PPM1L: variants seen among roughly 807,000 people sequenced by gnomAD.
PPM1L encodes protein phosphatase 1L.
A neutral mutation model predicts 31.4 loss-of-function variants in PPM1L; 13 were observed. The ratio of observed to expected loss-of-function variants is 0.41; its 90% CI spans 0.27 to 0.66. The LOEUF (loss-of-function observed/expected upper bound fraction) is 0.66, where lower values mean the gene tolerates loss of function less well. PPM1L is among the 30% of genes least tolerant of loss of function. The pLI is 0.29. For missense variants in PPM1L, 326 were observed against 453.7 expected (o/e 0.72, Z 2.56); for synonymous variants, 184 against 175.4 (o/e 1.05, Z -0.39).
At chr3:160,834,079 A>T (rs918281323) in intron 1 of PPM1L, among the ~76,000 whole-genome samples, 2 of 141,040 alleles carry the variant, frequency 1.4e-5, no homozygotes, top group Non-Finnish European at 3.0e-5. Context: ...GCTGGAGTGC[A>T]GTGGCACAAT....
chr3:160,812,598 G>A (rs1712844941), intron 1 of PPM1L, among the ~76,000 whole-genome samples: 2 of 151,706 alleles, frequency 1.3e-5, no homozygotes, highest in Admixed American at 1.3e-4. Flanking sequence ...AATAGAAAAC[G>A]TTTAATAGGA....
chr3:160,910,259 T>TGTCCCC (rs1713918670), intron 1 of PPM1L, among the ~76,000 whole-genome samples: 1 of 50,094 alleles, frequency 2.0e-5, no homozygotes, highest in Non-Finnish European at 3.4e-5. Context: ...CCCCTTCCCC[T>TGTCCCC]TTCCCCTTCC....
chr3:160,915,164 G>A (rs904390342), intron 1 of PPM1L, among the ~76,000 whole-genome samples: 10 of 152,076 alleles, frequency 6.6e-5, no homozygotes, highest in Non-Finnish European at 1.3e-4. Flanking sequence ...AAACCCCATC[G>A]TCTCAGCCCA....
intron 1 of PPM1L, among the ~76,000 whole-genome samples, chr3:160,808,409 G>GCGCGCGCGCA: frequency 2.7e-5 from 4 of 149,418 alleles, no homozygotes; most frequent in African/African-American, 7.5e-5. Flanking sequence ...GTGTGTGTGT[G>GCGCGCGCGCA]TGTGTGTGTG....
Position 160,952,235 on chromosome 3 carries a change from G to A in PPM1L, c.400-9501G>A, listed in dbSNP as rs79995047. 8.8e-3 allele frequency among the ~76,000 whole-genome samples: 1,339 copies of A among 152,300 alleles called. 21 individuals carry two copies. The highest frequency in any genetic ancestry group is 0.031 in the African/African-American group (1,270 of 41,560). ...CTGACTTTATTTTAAAGTGCCTGGA[G>A]CCAAAGAGCAGCTGTCAAAAGTTAA... On this transcript the variant is annotated intron_variant, in intron 1 of 3. Transcript: ENST00000498165.
chr3:161,047,299 GACAA>G (rs1576805181), intron 2 of PPM1L, among the ~76,000 whole-genome samples: 1 of 152,032 alleles, frequency 6.6e-6, no homozygotes, highest in East Asian at 1.9e-4. Context: ...ACCAATAACA[GACAA>G]ACAGCCAAAT....
At chr3:160,936,750 G>C (rs1428048295) in intron 1 of PPM1L, among the ~76,000 whole-genome samples, 1 of 152,168 alleles carries the variant, frequency 6.6e-6, no homozygotes, top group Non-Finnish European at 1.5e-5. Context: ...CTTTTTAGGA[G>C]AGTTTAATCC....
At chr3:160,867,327 CTT>C (rs529507709) in intron 1 of PPM1L, among the ~76,000 whole-genome samples, 26 of 123,858 alleles carry the variant, frequency 2.1e-4, no homozygotes, top group Admixed American at 3.3e-4. Flanking sequence ...GTTCCATGTT[CTT>C]TTTTTTTTTT....
At chr3:160,896,740 A>G (rs1713347575) in intron 1 of PPM1L, among the ~76,000 whole-genome samples, 1 of 152,224 alleles carries the variant, frequency 6.6e-6, no homozygotes, top group African/African-American at 2.4e-5. Context: ...GGCTTCTGAT[A>G]GCTTTGCCTG....
intron 1 of PPM1L, among the ~76,000 whole-genome samples, chr3:160,769,160 G>C (rs938622294): frequency 2.0e-5 from 3 of 152,198 alleles, no homozygotes; most frequent in Non-Finnish European, 4.4e-5. Context: ...CTGAGGAGGA[G>C]CCCAGCCTCT....
intron 1 of PPM1L, among the ~76,000 whole-genome samples, chr3:160,764,964 G>T (rs774531663): frequency 6.6e-6 from 1 of 151,994 alleles, no homozygotes; most frequent in South Asian, 2.1e-4. Flanking sequence ...ATTTCTCTAG[G>T]GTGGGTTTCC....
Position 160,826,267 on chromosome 3 carries a change from TAAC to T in PPM1L, c.399+69563_399+69565del, listed in dbSNP as rs376008679. 2.6e-3 allele frequency among the ~76,000 whole-genome samples: 389 copies of T among 152,256 alleles called. 1 individual carries two copies. The highest frequency in any genetic ancestry group is 9.0e-3 in the African/African-American group (374 of 41,562). On this transcript the variant is annotated intron_variant, in intron 1 of 3. Coordinates refer to ENST00000498165, the MANE Select transcript of PPM1L (RefSeq NM_139245.4). ...GTTTGGGTATTCAAACCTTAATTGT[TAAC>T]AAAGAACATGATGAGTTGTAGTTTG...
intron 1 of PPM1L, among the ~76,000 whole-genome samples, chr3:160,839,465 T>C (rs750586462): frequency 6.6e-6 from 1 of 151,952 alleles, no homozygotes; most frequent in Non-Finnish European, 1.5e-5. Flanking sequence ...ACCACTCTTA[T>C]GGTTTATTTT....
At chr3:160,796,300 A>T (rs192159777) in intron 1 of PPM1L, among the ~76,000 whole-genome samples, 1 of 152,124 alleles carries the variant, frequency 6.6e-6, no homozygotes, top group East Asian at 1.9e-4. Context: ...AGAGGGCTGG[A>T]GGTTAGGTGG....
chr3:160,977,151 C>T (rs1716616880), intron 2 of PPM1L, among the ~76,000 whole-genome samples: 1 of 152,036 alleles, frequency 6.6e-6, no homozygotes, highest in African/African-American at 2.4e-5. Flanking sequence ...TTCTAGTGCC[C>T]AGAGGAATTA....
At chr3:161,044,225 A>C (rs2108091503) in intron 2 of PPM1L, among the ~76,000 whole-genome samples, 1 of 152,118 alleles carries the variant, frequency 6.6e-6, no homozygotes, top group Middle Eastern at 3.4e-3. Context: ...TTTTTAGTAG[A>C]GATGGGGTTT....
intron 2 of PPM1L, among the ~76,000 whole-genome samples, chr3:160,977,125 GT>G (rs1322203370): frequency 6.6e-6 from 1 of 152,068 alleles, no homozygotes; most frequent in Admixed American, 6.6e-5. Context: ...GAAAGACACT[GT>G]TTTTTTAAGT....
At chr3:160,908,270 G>T (rs1031035232) in intron 1 of PPM1L, among the ~76,000 whole-genome samples, 4 of 152,068 alleles carry the variant, frequency 2.6e-5, no homozygotes, top group African/African-American at 9.7e-5. Context: ...TTTTATTTAT[G>T]ATCACAAGCA....
intron 2 of PPM1L, among the ~76,000 whole-genome samples, chr3:161,041,621 G>A (rs942805234): frequency 1.3e-4 from 20 of 152,190 alleles, no homozygotes; most frequent in Middle Eastern, 3.4e-3. Context: ...GGTGGTGGGC[G>A]CCTGTAGTCC....
Sources: allele counts gnomAD v4.1 joint callset (sites outside exome capture counted in the v4.1 genomes callset), GRCh38; gene constraint gnomAD v4.1.1; transcripts MANE v1.5; gene names NCBI Gene and HGNC (gene_info 2026-07-23, HGNC 2026-07-21).